PLIN1: variants seen among roughly 807,000 people sequenced by gnomAD.
PLIN1 encodes the protein perilipin 1.
In PLIN1, 37 loss-of-function variants were observed where a neutral mutation model predicts 45.8. The observed-to-expected ratio is 0.81, with a 90% CI of 0.62 to 1.06. The LOEUF (loss-of-function observed/expected upper bound fraction) is 1.06, where lower values mean the gene tolerates loss of function less well. Among genes scored for constraint, PLIN1 ranks in the 50% least tolerant of loss-of-function variants. The pLI, the probability that PLIN1 is intolerant of heterozygous loss-of-function variation, is 0.00. For synonymous variants in PLIN1, 340 were observed against 309.2 expected (o/e 1.10, Z -1.05); for missense variants, 776 against 716.5 (o/e 1.08, Z -0.95).
chr15:89,673,429 A>G lies in PLIN1; in HGVS notation c.46-15T>C, dbSNP rs1282852125. ...TTCTCCTGCTCCTGGTGCGGAAGGA[A>G]CACATTCAAGTTGTCCCACCTCCCT... On this transcript the variant is annotated splice_polypyrimidine_tract_variant and intron_variant, in intron 2 of 8. Transcript: ENST00000300055. 1.3e-6 allele frequency: 2 copies of G among 1,583,944 alleles called. No homozygotes were observed. Among genetic ancestry groups the G allele is most frequent in the Admixed American group, 1.8e-5 (1 of 55,850 alleles).
intron 7 of PLIN1, 92 bp downstream of exon 7, chr15:89,667,510 T>C (rs1964367788): frequency 6.3e-7 from 1 of 1,582,284 alleles, no homozygotes; most frequent in Non-Finnish European, 8.7e-7. Context: ...TGCCCCTGCA[T>C]CTGGGGCAGA....
Position 89,667,187 on chromosome 15 carries a change from G to A in PLIN1, c.964-6C>T, listed in dbSNP as rs1458484384. 3.1e-6 allele frequency: 5 copies of A among 1,612,706 alleles called. No individual in the cohort carries two copies. The highest frequency in any genetic ancestry group is 1.1e-5 in the South Asian group (1 of 91,030). On this transcript the variant is annotated splice_region_variant and splice_polypyrimidine_tract_variant and intron_variant, in intron 7 of 8. Transcript: ENST00000300055. ...GGGCCTGGCAGGGCTGCTACCTGGG[G>A]GCCAAAGCAGGGTCAGTGCCTCCTG...
intron 5 of PLIN1, 112 bp from the exon 6 acceptor site, chr15:89,669,784 C>T: frequency 3.7e-6 from 3 of 811,458 alleles, no homozygotes; most frequent in Admixed American, 2.5e-5. Flanking sequence ...CACAAACTCA[C>T]TGGTGAGTTC....
chr15:89,678,928 C>A (rs1964558811), intron 1 of PLIN1, among the ~76,000 whole-genome samples: 1 of 152,112 alleles, frequency 6.6e-6, no homozygotes, highest in Admixed American at 6.5e-5. Flanking sequence ...TCAATGCAGC[C>A]TTGACCTCCT....
rs752168821 is a variant in PLIN1 at position 89,670,182 on chromosome 15, G to A, written c.396C>T (p.Ser132=). 9.3e-6 allele frequency: 15 copies of A among 1,613,992 alleles called. No homozygotes were observed. The East Asian group carries it at 1.8e-4, about 19-fold the overall frequency. ...TGTCTGAAGTGCTCGCGATGGGAAC[G>A]CTGATGCTGTTTCTGGCACTGCGGA... ...TRLRSARNSI[S]VPIASTSDKV... The change falls in exon 5 of 9, where the codon AGC becomes AGT. Residue 132 remains serine, a synonymous_variant. Coordinates refer to ENST00000300055, the MANE Select transcript of PLIN1 (RefSeq NM_002666.5).
In PLIN1 at chr15:89,665,666, C is replaced by A; in HGVS notation, c.1486G>T (p.Val496Phe). 6.7e-7 allele frequency: 1 copy of A among 1,491,484 alleles called. No homozygotes were observed. The highest frequency in any genetic ancestry group is 1.4e-5 in the African/African-American group (1 of 69,136). 92.4% of individuals were successfully genotyped at this position (1,491,484 alleles called of 1,614,324 possible). Residue 496 changes from valine (V) to phenylalanine (F), a missense_variant, in exon 9 of 9, where the codon GTC (valine) becomes TTC (phenylalanine). Coordinates refer to ENST00000300055, the MANE Select transcript of PLIN1 (RefSeq NM_002666.5). ...AVPREKPKRR[V>F]SDSFFRPSVM... The stretch of plus-strand genomic sequence containing the variant: ...CTGGGCCGGAAGAAGCTGTCGCTGA[C>A]CCTGCGCTTTGGCTTCTCGCGGGGC...
Position 89,666,985 on chromosome 15 carries a change from A to G in PLIN1, c.1160T>C (p.Leu387Pro), listed in dbSNP as rs1964352721. 1.2e-6 allele frequency: 2 copies of G among 1,614,074 alleles called. No individual in the cohort carries two copies. The highest frequency in any genetic ancestry group is 8.5e-7 in the Non-Finnish European group (1 of 1,179,964). ...KGRAMSLSDA[L>P]KGVTDNVVDT... ...CACCACGTTGTCAGTAACGCCCTTCAGGGCATCTGATAGGGACATGGCCCT... is the reference window on the plus strand; with the variant it reads ...CACCACGTTGTCAGTAACGCCCTTCGGGGCATCTGATAGGGACATGGCCCT... The change falls in exon 8 of 9, where the codon CTG becomes CCG. Residue 387 changes from leucine (L) to proline (P), a missense_variant. Physicochemically the swap from Leu to Pro is moderately conservative, Grantham distance 98. Transcript: ENST00000300055.
rs1308586727 is a variant in PLIN1, at chr15:89,669,668, A to G, written c.603T>C (p.Pro201=). The G allele has an allele frequency of 1.9e-6, 3 of 1,613,716 alleles. No homozygotes were observed. The highest frequency in any genetic ancestry group is 2.5e-6 in the Non-Finnish European group (3 of 1,179,906). ...TCTGGGCTTGCTGGTGTCCAGGAGC[A>G]GGGGCTGGGTAGGGATTTGGGGGGA... ...LLPPDKEESA[P]APGHQQAQKS... is the part of the protein sequence containing the mutation. Residue 201 remains proline, a synonymous_variant, in exon 6 of 9, where the codon CCT becomes CCC. Coordinates refer to ENST00000300055, the MANE Select transcript of PLIN1 (RefSeq NM_002666.5).
chr15:89,667,197 G>C lies in PLIN1; in HGVS notation c.964-16C>G. On this transcript the variant is annotated splice_polypyrimidine_tract_variant and intron_variant, in intron 7 of 8. Coordinates refer to ENST00000300055, the MANE Select transcript of PLIN1 (RefSeq NM_002666.5). ...GGGCTGCTACCTGGGGGCCAAAGCA[G>C]GGTCAGTGCCTCCTGTGGTAACTCC... is the stretch of plus-strand genomic sequence containing the variant. 6.2e-7 allele frequency: 1 copy of C among 1,612,362 alleles called. No homozygotes were observed. The highest frequency in any genetic ancestry group is 8.5e-7 in the Non-Finnish European group (1 of 1,179,962).
At position 89,665,928 on chromosome 15, in the gene PLIN1, C is replaced by T. The variant is rs913110514; in HGVS notation, c.1224G>A (p.Ser408=). The change falls in exon 9 of 9, where the codon TCG becomes TCA. Residue 408 remains serine, a synonymous_variant. Transcript: ENST00000300055. ...VVHYVPLPRL[S]LMEPESEFRD... is the part of the protein sequence containing the mutation. The stretch of plus-strand genomic sequence containing the variant: ...GGAATTCGCTCTCGGGCTCCATCAG[C>T]GACAGCCTGGGGAGCTGAGGGCCCG... 1 of 1,527,934 alleles carries T rather than the reference C, an allele frequency of 6.5e-7. No homozygotes were observed. Among genetic ancestry groups the T allele is most frequent in the Non-Finnish European group, 8.7e-7 (1 of 1,145,238 alleles). The allele number at this position is 1,527,934 out of a possible 1,614,324, so 94.6% of individuals were successfully genotyped here.
intron 2 of PLIN1, among the ~76,000 whole-genome samples, chr15:89,675,054 T>C (rs1964495360): frequency 2.0e-5 from 3 of 151,642 alleles, no homozygotes; most frequent in African/African-American, 7.3e-5. Flanking sequence ...AGTTGGAGGC[T>C]GTAGTGAGCC....
At position 89,665,551 on chromosome 15, in the gene PLIN1, C is replaced by G; in HGVS notation, c.*32G>C. ...TCTGTTTATTTGTTAGAGAAACCCG[C>G]CGGCCCGGGGCGCGGCGGCTGGTGC... is the stretch of plus-strand genomic sequence containing the variant. On this transcript the variant is annotated 3_prime_UTR_variant, in exon 9 of 9. Coordinates refer to ENST00000300055, the MANE Select transcript of PLIN1 (RefSeq NM_002666.5). The G allele has an allele frequency of 6.6e-7, 1 of 1,522,276 alleles. No homozygotes were observed. The highest frequency in any genetic ancestry group is 8.8e-7 in the Non-Finnish European group (1 of 1,137,232). The allele number at this position is 1,522,276 out of a possible 1,614,324, so 94.3% of individuals were successfully genotyped here. A position where few individuals can be genotyped will look rare whatever the true frequency, so the allele number is the denominator to read the frequency against.
chr15:89,667,629 C>T lies in PLIN1; in HGVS notation c.936G>A (p.Leu312=). The T allele has an allele frequency of 6.2e-6, 10 of 1,613,818 alleles. No individual in the cohort carries two copies. The highest frequency in any genetic ancestry group is 8.5e-6 in the Non-Finnish European group (10 of 1,179,824). ...CACTGAACTTGTTCTCCTCAGTCTC[C>T]AATTCTTCCTCCTCCTCCGTGTCCT... The part of the protein sequence containing the change: ...EGEDTEEEEE[L]ETEENKFSEV... Residue 312 remains leucine, a synonymous_variant, in exon 7 of 9, where the codon TTG becomes TTA. Coordinates refer to ENST00000300055, the MANE Select transcript of PLIN1 (RefSeq NM_002666.5).
Position 89,673,337 on chromosome 15 carries a change from G to T in PLIN1, c.123C>A (p.Tyr41Ter). The change falls in exon 3 of 9, where the codon TAC (tyrosine) becomes TAA (stop). Residue 41 changes from tyrosine (Y) to a stop codon, truncating the protein, a stop_gained. Coordinates refer to ENST00000300055, the MANE Select transcript of PLIN1 (RefSeq NM_002666.5). LOFTEE classifies it high-confidence loss of function. ...GGGGGTGGGCTTCCTTAGTGCTGGT[G>T]TAGGTCTTCTGGAAGCATTCGCAGG... is the stretch of plus-strand genomic sequence containing the variant. The part of the protein sequence containing the change: ...SGTCECFQKT[Y>*]TSTKEAHPLV... 6.3e-7 allele frequency: 1 copy of T among 1,600,000 alleles called. No homozygotes were observed. Among genetic ancestry groups the T allele is most frequent in the Non-Finnish European group, 8.5e-7 (1 of 1,172,870 alleles).
At chr15:89,674,596 C>T (rs943428883) in intron 2 of PLIN1, among the ~76,000 whole-genome samples, 8 of 152,154 alleles carry the variant, frequency 5.3e-5, no homozygotes, top group African/African-American at 1.4e-4. Context: ...ACAAAGTGGC[C>T]TGTGTCCCTT....
chr15:89,666,846 G>A (rs895130110), intron 8 of PLIN1, 90 bp downstream of exon 8: 1 of 1,443,376 alleles, frequency 6.9e-7, no homozygotes, highest in Non-Finnish European at 9.7e-7. Context: ...GGGAAAGGAG[G>A]GGGACTGCAG....
rs1596041765 is a variant in PLIN1, at chr15:89,671,584, T to G, written c.251-20A>C. 6.5e-7 allele frequency: 1 copy of G among 1,534,600 alleles called. No individual in the cohort carries two copies. Among genetic ancestry groups the G allele is most frequent in the Non-Finnish European group, 8.8e-7 (1 of 1,130,044 alleles). ...CTGTGACTGGAAGGAAAGGGCCAAG[T>G]TTGGGTGAGCCCTGCCCCTCCCCAT... is the stretch of plus-strand genomic sequence containing the variant. On this transcript the variant is annotated intron_variant, in intron 3 of 8. Transcript: ENST00000300055.
Position 89,673,228 on chromosome 15 carries a change from G to C in PLIN1, c.232C>G (p.Arg78Gly). 1 of 1,569,328 alleles carries C rather than the reference G, an allele frequency of 6.4e-7. No homozygotes were observed. Among genetic ancestry groups the C allele is most frequent in the Non-Finnish European group, 8.6e-7 (1 of 1,156,206 alleles). Residue 78 changes from arginine (R) to glycine (G), a missense_variant, in exon 3 of 9, where the codon CGC (arginine) becomes GGC (glycine). Transcript: ENST00000300055. ...GACTCACACTGGGTGGACAGCCTGCGGACCACCGGCTCCATGCTCCAGGCA... is the reference window on the plus strand; with the variant it reads ...GACTCACACTGGGTGGACAGCCTGCCGACCACCGGCTCCATGCTCCAGGCA... ...LAAWSMEPVV[R>G]RLSTQFTAAN...
chr15:89,666,018 G>GGCC (rs1964334658), intron 8 of PLIN1, 76 bp from the exon 9 acceptor site: 2 of 1,176,592 alleles, frequency 1.7e-6, no homozygotes, highest in Non-Finnish European at 2.2e-6. Flanking sequence ...CCCCTTCCCG[G>GGCC]GCCCCTCGAT....
Sources: gnomAD v4.1 joint callset for allele counts (sites outside exome capture counted in the v4.1 genomes callset) on GRCh38, gnomAD v4.1.1 for gene constraint, MANE v1.5 for transcripts, NCBI Gene and HGNC (gene_info 2026-07-23, HGNC 2026-07-21) for gene names.